The following BRD7 variants were observed in gnomAD, a reference collection of about 807,000 sequenced individuals.
BRD7 encodes bromodomain containing 7.
BRD7 carries 15 observed loss-of-function variants against 82.1 expected under a neutral mutation model. The ratio of observed to expected loss-of-function variants is 0.18; its 90% confidence interval spans 0.12 to 0.28. BRD7 has a LOEUF of 0.28. BRD7 is among the 10% of genes least tolerant of loss of function. The pLI, the probability that BRD7 is intolerant of heterozygous loss-of-function variation, is 1.00. For missense variants in BRD7, 638 were observed against 779.9 expected, an observed-to-expected ratio of 0.82 and a Z score of 2.17; for synonymous variants, 232 against 266.9, an observed-to-expected ratio of 0.87 and a Z score of 1.27.
At chr16:50,365,770 C>G (rs1035136947) in intron 2 of BRD7, among the ~76,000 whole-genome samples, 1 of 152,008 alleles carries the variant, frequency 6.6e-6, no homozygotes, top group Non-Finnish European at 1.5e-5. Flanking sequence ...AACCCTCCCC[C>G]ACCCCACACA....
chr16:50,353,186 A>G (rs755585614), intron 4 of BRD7, among the ~76,000 whole-genome samples: 13 of 151,452 alleles, frequency 8.6e-5, no homozygotes, highest in Admixed American at 3.3e-4. Flanking sequence ...CTTCCACCTC[A>G]GTCTCTGGAG....
intron 1 of BRD7, 64 bp downstream of exon 1, chr16:50,368,662 G>C: frequency 6.7e-7 from 1 of 1,502,332 alleles, no homozygotes; most frequent in Non-Finnish European, 8.9e-7. Context: ...GAGCCACTGG[G>C]AAAGAGCGGA....
Position 50,333,641 on chromosome 16 carries a change from T to C in BRD7, c.944A>G (p.Gln315Arg), listed in dbSNP as rs1346792384. 2 of 1,611,326 alleles carry C rather than the reference T, an allele frequency of 1.2e-6. No individual in the cohort carries two copies. Among genetic ancestry groups the C allele is most frequent in the Admixed American group, 3.3e-5 (2 of 60,012 alleles). The change falls in exon 8 of 17, where the codon CAG becomes CGG. Residue 315 changes from glutamine to arginine, a missense_variant. Coordinates refer to ENST00000394688, the MANE Select transcript of BRD7 (RefSeq NM_013263.5). The stretch of plus-strand genomic sequence containing the variant: ...CTTCACGATGCGGTCAAGCTGCTCC[T>C]GCTCTCTCTCTAAATTATTGCTTTT... ...KFKSNNLERE[Q>R]EQLDRIVKES...
At chr16:50,349,989 C>T (rs748911938) in intron 5 of BRD7, 34 bp downstream of exon 5, 1 of 1,479,752 alleles carries the variant, frequency 6.8e-7, no homozygotes, top group South Asian at 1.4e-5. Context: ...CAGATTTCTA[C>T]CAAGATTTTG....
intron 5 of BRD7, among the ~76,000 whole-genome samples, chr16:50,345,544 C>T (rs1174298982): frequency 0.011 from 1,275 of 113,284 alleles, no homozygotes; most frequent in African/African-American, 0.016. Context: ...CAGAGACACA[C>T]ATAGGCTCAA....
intron 5 of BRD7, among the ~76,000 whole-genome samples, chr16:50,342,182 A>C (rs940572757): frequency 2.7e-5 from 4 of 149,988 alleles, no homozygotes; most frequent in East Asian, 1.9e-4. Flanking sequence ...CAGAAAAAAA[A>C]CAAAAAACAA....
At position 50,322,021 on chromosome 16, in the gene BRD7, T is replaced by C. The variant is rs760161286; in HGVS notation, c.1461A>G (p.Glu487=). The change falls in exon 13 of 17, where the codon GAA becomes GAG. Residue 487 remains glutamate (E), a synonymous_variant. Transcript: ENST00000394688. ...CTGTGTCAAGTGTCCTAGTATGGCC[T>C]TCATCTTCAGGCAATGACTATAAGG... The part of the protein sequence containing the change: ...QEMEMSLPED[E]GHTRTLDTAK... 11 of 1,610,886 alleles carry C rather than the reference T, an allele frequency of 6.8e-6. No homozygotes were observed. Among genetic ancestry groups the C allele is most frequent in the Non-Finnish European group, 9.3e-6 (11 of 1,179,328 alleles).
rs1190078020 is a variant in BRD7, at chr16:50,320,803, C to T, written c.1501-29G>A. 5.4e-6 allele frequency: 8 copies of T among 1,486,764 alleles called. No homozygotes were observed. In the South Asian group the frequency reaches 7.9e-5, roughly 15 times the overall value. 92.1% of individuals were successfully genotyped at this position (1,486,764 alleles called of 1,614,324 possible). A position where few individuals can be genotyped will look rare whatever the true frequency, so the allele number is the denominator to read the frequency against. ...CTTCAAAAGGAAAAACAGGCAATTA[C>T]TGGCGCTTGCTAAGCCACAGCAGTG... On this transcript the variant is annotated intron_variant, in intron 13 of 16. Transcript: ENST00000394688.
intron 5 of BRD7, among the ~76,000 whole-genome samples, chr16:50,345,945 C>A (rs987788643): frequency 6.6e-6 from 1 of 152,198 alleles, no homozygotes; most frequent in Non-Finnish European, 1.5e-5. Flanking sequence ...GAACTCTCCA[C>A]CCTAAATCAA....
intron 5 of BRD7, among the ~76,000 whole-genome samples, chr16:50,346,452 A>C (rs1039693947): frequency 4.6e-5 from 7 of 152,208 alleles, no homozygotes; most frequent in African/African-American, 1.7e-4. Flanking sequence ...AGATACAAAA[A>C]ACCCTTCAAA....
chr16:50,320,811 T>A, intron 13 of BRD7, 37 bp from the exon 14 acceptor site: 1 of 1,428,172 alleles, frequency 7.0e-7, no homozygotes, highest in Non-Finnish European at 9.9e-7. Context: ...TACTGGCGCT[T>A]GCTAAGCCAC....
At chr16:50,356,316 G>A (rs548588716) in intron 2 of BRD7, among the ~76,000 whole-genome samples, 22 of 152,270 alleles carry the variant, frequency 1.4e-4, no homozygotes, top group South Asian at 4.1e-4. Flanking sequence ...ATTTCCTGTC[G>A]TATGGTCTAC....
At chr16:50,325,297 T>C (rs1031640060) in intron 11 of BRD7, among the ~76,000 whole-genome samples, 1 of 152,152 alleles carries the variant, frequency 6.6e-6, no homozygotes, top group African/African-American at 2.4e-5. Context: ...ACCTGGCATG[T>C]GATTGGTCAA....
chr16:50,325,801 A>G lies in BRD7; in HGVS notation c.1278T>C (p.Ser426=), dbSNP rs1192879579. 6.2e-7 allele frequency: 1 copy of G among 1,611,938 alleles called. No homozygotes were observed. The highest frequency in any genetic ancestry group is 1.7e-5 in the Admixed American group (1 of 59,460). Reference sequence around the variant, plus strand: ...CCCCATAGGTTGAATAGATTAAATCAGAATCATCCTTGCTGATATTTGCAA... The same window carrying G: ...CCCCATAGGTTGAATAGATTAAATCGGAATCATCCTTGCTGATATTTGCAA... The part of the protein sequence containing the change: ...STFANISKDD[S]DLIYSTYGED... The change falls in exon 11 of 17, where the codon TCT becomes TCC. Residue 426 remains serine, a synonymous_variant. Coordinates refer to ENST00000394688, the MANE Select transcript of BRD7 (RefSeq NM_013263.5).
intron 5 of BRD7, among the ~76,000 whole-genome samples, chr16:50,341,317 T>C (rs2038043622): frequency 1.3e-5 from 2 of 151,934 alleles, no homozygotes; most frequent in South Asian, 4.2e-4. Context: ...AGACCTTTGT[T>C]ACAGATATTT....
intron 5 of BRD7, among the ~76,000 whole-genome samples, chr16:50,341,937 C>G (rs1336471407): frequency 6.8e-6 from 1 of 146,020 alleles, no homozygotes; most frequent in Non-Finnish European, 1.5e-5. Context: ...TTCACACACA[C>G]ACACACACAC....
chr16:50,325,156 C>A (rs1433854163), intron 11 of BRD7, among the ~76,000 whole-genome samples: 1 of 152,184 alleles, frequency 6.6e-6, no homozygotes, highest in African/African-American at 2.4e-5. Flanking sequence ...GAGCCAGAAT[C>A]CTGCTAAGTC....
intron 5 of BRD7, among the ~76,000 whole-genome samples, chr16:50,348,469 C>T (rs970786963): frequency 1.3e-4 from 20 of 152,296 alleles, no homozygotes; most frequent in African/African-American, 4.8e-4. Context: ...TCAGAGTGAA[C>T]AGGCAACCTA....
At chr16:50,368,442 C>A in intron 1 of BRD7, 144 bp from the exon 2 acceptor site, 2 of 958,546 alleles carry the variant, frequency 2.1e-6, no homozygotes, top group Non-Finnish European at 3.0e-6. Context: ...AATGACGGAC[C>A]CCGGCCCGGG....
Sources: gnomAD v4.1 joint callset for allele counts (sites outside exome capture counted in the v4.1 genomes callset) on GRCh38, gnomAD v4.1.1 for gene constraint, MANE v1.5 for transcripts, NCBI Gene and HGNC (gene_info 2026-07-23, HGNC 2026-07-21) for gene names.